The following GPC6 variants were observed in gnomAD, a reference collection of about 807,000 sequenced individuals.
GPC6 encodes the protein glypican 6.
In GPC6, 14 loss-of-function variants were observed where a neutral mutation model predicts 55.2. The observed-to-expected ratio is 0.25, with a 90% CI of 0.17 to 0.40. GPC6 has a LOEUF of 0.40. Ranked by LOEUF, GPC6 falls within the 10% of genes least tolerant of loss-of-function variation. GPC6 has a pLI of 1.00. For synonymous variants in GPC6, 278 were observed against 259.6 expected (o/e 1.07, Z -0.68); for missense variants, 641 against 708.5 (o/e 0.90, Z 1.08).
At chr13:93,366,932 A>T (rs1594122406) in intron 1 of GPC6, among the ~76,000 whole-genome samples, 2 of 152,158 alleles carry the variant, frequency 1.3e-5, no homozygotes, top group East Asian at 3.9e-4. Flanking sequence ...CCAATTATTA[A>T]TTACTTCAAT....
At chr13:93,832,322 T>A in intron 3 of GPC6, among the ~76,000 whole-genome samples, 1 of 150,808 alleles carries the variant, frequency 6.6e-6, no homozygotes, top group Non-Finnish European at 1.5e-5. Flanking sequence ...TTTTCTTGAG[T>A]AGATGCATTT....
intron 3 of GPC6, among the ~76,000 whole-genome samples, chr13:93,941,140 T>C (rs1191049321): frequency 6.6e-6 from 1 of 152,174 alleles, no homozygotes; most frequent in African/African-American, 2.4e-5. Context: ...GATGAACCCA[T>C]GAGTATTTAA....
chr13:93,238,005 C>T (rs11839667), intron 1 of GPC6, among the ~76,000 whole-genome samples: 39,142 of 151,972 alleles, frequency 0.26, 5,145 homozygotes, highest in African/African-American at 0.32. Context: ...GATGTGATGC[C>T]TTCAGCTTTG....
intron 4 of GPC6, among the ~76,000 whole-genome samples, chr13:94,129,710 T>C (rs1031621408): frequency 6.6e-6 from 1 of 152,158 alleles, no homozygotes; most frequent in South Asian, 2.1e-4. Flanking sequence ...ACTATTTCCC[T>C]GTATTAAATA....
intron 1 of GPC6, among the ~76,000 whole-genome samples, chr13:93,453,684 G>T (rs2813620): frequency 0.4 from 60,569 of 150,730 alleles, 12,668 homozygotes; most frequent in Admixed American, 0.5. Flanking sequence ...TTCGCGGTGT[G>T]TGTTACAGCT....
At chr13:93,432,088 A>C (rs1266899217) in intron 1 of GPC6, among the ~76,000 whole-genome samples, 2 of 152,164 alleles carry the variant, frequency 1.3e-5, no homozygotes, top group East Asian at 1.9e-4. Context: ...TGGGATACAT[A>C]ATCTAACTGA....
chr13:93,985,204 G>GT (rs1483177214), intron 3 of GPC6, among the ~76,000 whole-genome samples: 1 of 152,144 alleles, frequency 6.6e-6, no homozygotes, highest in Non-Finnish European at 1.5e-5. Context: ...GGAGGCCGAG[G>GT]TGACTGGATC....
intron 3 of GPC6, among the ~76,000 whole-genome samples, chr13:93,843,233 T>A (rs1888023382): frequency 1.3e-5 from 2 of 152,128 alleles, no homozygotes; most frequent in Admixed American, 6.6e-5. Flanking sequence ...TCACATCGTT[T>A]GTTTGCATGT....
chr13:94,147,978 G>C (rs1220320737), intron 4 of GPC6, among the ~76,000 whole-genome samples: 1 of 152,148 alleles, frequency 6.6e-6, no homozygotes, highest in Non-Finnish European at 1.5e-5. Context: ...ATTCTGCTGA[G>C]GTAGAGTATT....
intron 2 of GPC6, among the ~76,000 whole-genome samples, chr13:93,791,921 C>T (rs1054436499): frequency 1.2e-4 from 19 of 152,116 alleles, no homozygotes; most frequent in Admixed American, 3.9e-4. Context: ...AATTAATTTT[C>T]GATCTATAGT....
intron 2 of GPC6, among the ~76,000 whole-genome samples, chr13:93,609,832 C>T (rs953481353): frequency 2.6e-4 from 40 of 152,278 alleles, no homozygotes; most frequent in African/African-American, 8.7e-4. Flanking sequence ...GCTATTGGAA[C>T]ACCTCAAGCT....
At chr13:94,070,727 G>A (rs1026646899) in intron 4 of GPC6, among the ~76,000 whole-genome samples, 1 of 152,164 alleles carries the variant, frequency 6.6e-6, no homozygotes, top group South Asian at 2.1e-4. Flanking sequence ...TTTAAGACTT[G>A]TCTGAAAGTA....
At chr13:93,471,627 C>A (rs1321740906) in intron 1 of GPC6, among the ~76,000 whole-genome samples, 1 of 152,032 alleles carries the variant, frequency 6.6e-6, no homozygotes, top group Non-Finnish European at 1.5e-5. Context: ...TTGAAATTTT[C>A]TTTTTGACCC....
chr13:94,360,630 T>C (rs73551899), intron 6 of GPC6, among the ~76,000 whole-genome samples: 5,800 of 152,286 alleles, frequency 0.038, 224 homozygotes, highest in African/African-American at 0.095. Flanking sequence ...AGAATCACAA[T>C]GATGTTGGAG....
At chr13:93,433,709 A>T (rs1347529397) in intron 1 of GPC6, among the ~76,000 whole-genome samples, 1 of 152,178 alleles carries the variant, frequency 6.6e-6, no homozygotes, top group Non-Finnish European at 1.5e-5. Context: ...AGACAGACAG[A>T]GTCAAGAGAG....
At chr13:94,118,754 A>G (rs1886522056) in intron 4 of GPC6, among the ~76,000 whole-genome samples, 2 of 152,030 alleles carry the variant, frequency 1.3e-5, no homozygotes, top group South Asian at 4.2e-4. Context: ...TCCTTCAGTG[A>G]TGAGAAAATT....
At chr13:93,238,986 G>C (rs1222183390) in intron 1 of GPC6, among the ~76,000 whole-genome samples, 1 of 151,920 alleles carries the variant, frequency 6.6e-6, no homozygotes, top group Non-Finnish European at 1.5e-5. Context: ...ATAGTATTTG[G>C]TTTGCTATGT....
chr13:93,930,924 A>G (rs1448030915), intron 3 of GPC6, among the ~76,000 whole-genome samples: 3 of 152,128 alleles, frequency 2.0e-5, no homozygotes, highest in Non-Finnish European at 4.4e-5. Flanking sequence ...ACTTACAATC[A>G]TGGTGGAAGG....
intron 2 of GPC6, among the ~76,000 whole-genome samples, chr13:93,658,564 CT>C (rs2139608999): frequency 6.6e-6 from 1 of 151,622 alleles, no homozygotes; most frequent in East Asian, 1.9e-4. Flanking sequence ...TCTACAAGTA[CT>C]GAAAAAAATC....
Sources: gnomAD v4.1 joint callset for allele counts (sites outside exome capture counted in the v4.1 genomes callset) on GRCh38, gnomAD v4.1.1 for gene constraint, MANE v1.5 for transcripts, NCBI Gene and HGNC (gene_info 2026-07-23, HGNC 2026-07-21) for gene names.